Variants in CTNNA3 observed in about 807,000 individuals in gnomAD.
The protein encoded by CTNNA3 is catenin alpha 3.
A neutral mutation model predicts 95.7 loss-of-function variants in CTNNA3; 76 were observed. The ratio of observed to expected loss-of-function variants is 0.79; its 90% CI spans 0.66 to 0.96. CTNNA3 has a LOEUF of 0.96. Among genes scored for constraint, CTNNA3 ranks in the 40% least tolerant of loss-of-function variants. The pLI, the probability that CTNNA3 is intolerant of heterozygous loss-of-function variation, is 0.00. For missense variants in CTNNA3, 1,191 were observed against 1,089.8 expected (o/e 1.09, Z -1.31); for synonymous variants, 431 against 374.4 (o/e 1.15, Z -1.74).
At chr10:67,193,762 CTA>C (rs1184264835) in intron 6 of CTNNA3, among the ~76,000 whole-genome samples, 1 of 151,346 alleles carries the variant, frequency 6.6e-6, no homozygotes, top group Non-Finnish European at 1.5e-5. Context: ...TAGTTTGATT[CTA>C]TGTCTTTGCT....
At chr10:66,055,920 T>TAAA (rs2080076165) in intron 15 of CTNNA3, among the ~76,000 whole-genome samples, 2 of 40,294 alleles carry the variant, frequency 5.0e-5, no homozygotes, top group Admixed American at 3.1e-4. Context: ...AGACTCCATC[T>TAAA]CAAAAAAAAA....
chr10:66,709,578 AC>A (rs1848225924), intron 9 of CTNNA3, among the ~76,000 whole-genome samples: 1 of 152,094 alleles, frequency 6.6e-6, no homozygotes, highest in East Asian at 1.9e-4. Flanking sequence ...GTTTATGACT[AC>A]CATTAAACAA....
chr10:66,926,885 G>T (rs778501738), intron 7 of CTNNA3: 3 of 1,512,802 alleles, frequency 2.0e-6, no homozygotes, highest in South Asian at 1.3e-5. Flanking sequence ...ATTCTTTTTT[G>T]GGGGGATAAC....
intron 5 of CTNNA3, among the ~76,000 whole-genome samples, chr10:67,422,751 C>T (rs755577751): frequency 6.6e-6 from 1 of 152,094 alleles, no homozygotes; most frequent in Non-Finnish European, 1.5e-5. Flanking sequence ...CATTACTGTA[C>T]GTTTCCTGAG....
chr10:66,443,369 T>C (rs1410799883), intron 11 of CTNNA3, among the ~76,000 whole-genome samples: 4 of 152,108 alleles, frequency 2.6e-5, no homozygotes, highest in Non-Finnish European at 5.9e-5. Context: ...CTTAAGTGGG[T>C]GTCTGACCCC....
chr10:67,712,812 G>T (rs1369336232), intron 1 of CTNNA3, among the ~76,000 whole-genome samples: 1 of 151,926 alleles, frequency 6.6e-6, no homozygotes, highest in Non-Finnish European at 1.5e-5. Flanking sequence ...TAAATGTAAA[G>T]CCTAAAACCA....
At chr10:66,846,398 T>C (rs1297881907) in intron 7 of CTNNA3, among the ~76,000 whole-genome samples, 5 of 152,112 alleles carry the variant, frequency 3.3e-5, no homozygotes, top group Admixed American at 2.6e-4. Context: ...TATAGCGTGG[T>C]GACTATAGTT....
At chr10:67,583,462 C>T (rs555266454) in intron 3 of CTNNA3, among the ~76,000 whole-genome samples, 12 of 152,152 alleles carry the variant, frequency 7.9e-5, no homozygotes, top group African/African-American at 2.9e-4. Context: ...TTGTGGGTAA[C>T]CTGATCTTTC....
At chr10:67,402,827 T>G (rs1018349140) in intron 5 of CTNNA3, among the ~76,000 whole-genome samples, 1 of 152,036 alleles carries the variant, frequency 6.6e-6, no homozygotes, top group Non-Finnish European at 1.5e-5. Flanking sequence ...CCCAGGAGAT[T>G]TACATACCCC....
At chr10:66,986,136 A>T (rs995507851) in intron 7 of CTNNA3, among the ~76,000 whole-genome samples, 1 of 152,180 alleles carries the variant, frequency 6.6e-6, no homozygotes, top group Admixed American at 6.5e-5. Flanking sequence ...TGTCTGGTTA[A>T]TCAGTATGTC....
chr10:67,718,385 G>T (rs542507580), intron 1 of CTNNA3, among the ~76,000 whole-genome samples: 5 of 152,300 alleles, frequency 3.3e-5, no homozygotes, highest in Admixed American at 3.3e-4. Flanking sequence ...TTCTTGTCTT[G>T]TGCCAGTTTT....
intron 11 of CTNNA3, among the ~76,000 whole-genome samples, chr10:66,448,520 C>A (rs1461147444): frequency 6.6e-6 from 1 of 152,132 alleles, no homozygotes; most frequent in Non-Finnish European, 1.5e-5. Context: ...AGTTCATGTC[C>A]TTTGTAGGGA....
At chr10:67,537,221 G>A (rs1461279712) in intron 4 of CTNNA3, among the ~76,000 whole-genome samples, 1 of 152,110 alleles carries the variant, frequency 6.6e-6, no homozygotes, top group Non-Finnish European at 1.5e-5. Flanking sequence ...CCATGAATTT[G>A]CCTAAACTTT....
intron 7 of CTNNA3, among the ~76,000 whole-genome samples, chr10:67,125,356 T>C (rs1052784600): frequency 1.3e-5 from 2 of 152,086 alleles, no homozygotes; most frequent in African/African-American, 2.4e-5. Context: ...GTAGTAAGAA[T>C]GCGCCCGGGA....
At chr10:67,114,461 T>C (rs1028354142) in intron 7 of CTNNA3, among the ~76,000 whole-genome samples, 1 of 152,144 alleles carries the variant, frequency 6.6e-6, no homozygotes, top group Non-Finnish European at 1.5e-5. Flanking sequence ...GAATTATTAA[T>C]ATTAAAGCTA....
chr10:67,358,044 T>C (rs960272287), intron 5 of CTNNA3, among the ~76,000 whole-genome samples: 9 of 152,046 alleles, frequency 5.9e-5, no homozygotes, highest in Non-Finnish European at 1.3e-4. Flanking sequence ...AAAAGGATAA[T>C]ATTTTCAATA....
intron 1 of CTNNA3, among the ~76,000 whole-genome samples, chr10:67,663,453 T>C (rs1404184252): frequency 6.6e-6 from 1 of 151,798 alleles, no homozygotes; most frequent in Non-Finnish European, 1.5e-5. Flanking sequence ...CAGTAAACTC[T>C]CCCGTGGGTG....
At chr10:67,085,784 A>G (rs946734375) in intron 7 of CTNNA3, among the ~76,000 whole-genome samples, 2 of 152,024 alleles carry the variant, frequency 1.3e-5, no homozygotes, top group Non-Finnish European at 2.9e-5. Flanking sequence ...TTTTACTAAT[A>G]CGCAAGCCTG....
intron 13 of CTNNA3, among the ~76,000 whole-genome samples, chr10:66,149,770 T>G (rs2084093342): frequency 6.9e-6 from 1 of 145,514 alleles, no homozygotes; most frequent in African/African-American, 2.5e-5. Flanking sequence ...CTTTATAAAT[T>G]AAATTAAGCT....
Sources: gnomAD v4.1 joint callset for allele counts (sites outside exome capture counted in the v4.1 genomes callset) on GRCh38, gnomAD v4.1.1 for gene constraint, MANE v1.5 for transcripts, NCBI Gene and HGNC (gene_info 2026-07-23, HGNC 2026-07-21) for gene names.